RBFOX1: variants seen among roughly 807,000 people sequenced by gnomAD.
RBFOX1 encodes RNA binding protein fox-1 homolog 1.
RBFOX1 carries 8 observed loss-of-function variants against 57.7 expected under a neutral mutation model. The ratio of observed to expected loss-of-function variants is 0.14; its 90% CI spans 0.08 to 0.25. The LOEUF is 0.25. RBFOX1 is among the 10% of genes least tolerant of loss of function. The pLI, the probability that RBFOX1 is intolerant of heterozygous loss-of-function variation, is 1.00. For missense variants in RBFOX1, 611 were observed against 548.5 expected, an observed-to-expected ratio of 1.11 and a Z score of -1.14; for synonymous variants, 326 against 222.4, an observed-to-expected ratio of 1.47 and a Z score of -4.15.
intron 1 of RBFOX1, among the ~76,000 whole-genome samples, chr16:5,441,363 GT>G (rs34446326): frequency 0.49 from 54,056 of 111,442 alleles, 10,358 homozygotes; most frequent in East Asian, 0.65. Context: ...AGGAAAGAGG[GT>G]TTTTTTTTTT....
chr16:5,438,723 A>T (rs868850254), intron 1 of RBFOX1, among the ~76,000 whole-genome samples: 26 of 152,142 alleles, frequency 1.7e-4, no homozygotes, highest in African/African-American at 6.0e-4. Context: ...CCTGAATGTC[A>T]TGCAGTGTCC....
chr16:5,871,422 T>C (rs143184253), intron 4 of RBFOX1, among the ~76,000 whole-genome samples: 4 of 152,362 alleles, frequency 2.6e-5, no homozygotes, highest in East Asian at 1.9e-4. Context: ...TGCACATTAA[T>C]TGGCCCTGCA....
chr16:7,150,564 A>G (rs1161706907), intron 4 of RBFOX1, among the ~76,000 whole-genome samples: 1 of 152,110 alleles, frequency 6.6e-6, no homozygotes, highest in African/African-American at 2.4e-5. Context: ...CTTAACAGAT[A>G]TTTTCTCTAT....
At chr16:6,949,833 C>G (rs938816964) in intron 3 of RBFOX1, among the ~76,000 whole-genome samples, 2 of 151,992 alleles carry the variant, frequency 1.3e-5, no homozygotes, top group African/African-American at 4.8e-5. Context: ...CAGAACATCT[C>G]TTCACCCGGA....
intron 2 of RBFOX1, among the ~76,000 whole-genome samples, chr16:6,558,428 T>C (rs2097134597): frequency 6.6e-6 from 1 of 152,146 alleles, no homozygotes; most frequent in South Asian, 2.1e-4. Context: ...TTTTTAGTTT[T>C]AGAAAACATG....
chr16:5,360,225 C>G (rs955919573), intron 1 of RBFOX1, among the ~76,000 whole-genome samples: 2 of 152,216 alleles, frequency 1.3e-5, no homozygotes, highest in Non-Finnish European at 2.9e-5. Flanking sequence ...CTGGCTAGCT[C>G]TGTGTGCTGC....
intron 2 of RBFOX1, among the ~76,000 whole-genome samples, chr16:6,540,072 T>C (rs1476295077): frequency 2.0e-5 from 3 of 152,222 alleles, no homozygotes; most frequent in African/African-American, 7.2e-5. Context: ...GACTTGACTT[T>C]GATGAAATAG....
intron 1 of RBFOX1, among the ~76,000 whole-genome samples, chr16:6,261,360 C>T (rs922232865): frequency 2.0e-5 from 3 of 152,188 alleles, no homozygotes; most frequent in Non-Finnish European, 4.4e-5. Context: ...GTTTTTTTCT[C>T]TACCTAGTAC....
chr16:6,132,424 A>G (rs1021156371), intron 1 of RBFOX1, among the ~76,000 whole-genome samples: 1 of 152,234 alleles, frequency 6.6e-6, no homozygotes, highest in Admixed American at 6.5e-5. Context: ...GACATGAAGC[A>G]GCTTGAATTC....
intron 1 of RBFOX1, among the ~76,000 whole-genome samples, chr16:6,142,880 A>G (rs903062850): frequency 3.3e-5 from 5 of 152,228 alleles, no homozygotes; most frequent in East Asian, 1.9e-4. Context: ...GGCTTCCTCA[A>G]AATTCCCCTG....
At chr16:7,205,932 A>G (rs1347579933) in intron 4 of RBFOX1, among the ~76,000 whole-genome samples, 4 of 152,266 alleles carry the variant, frequency 2.6e-5, no homozygotes, top group African/African-American at 9.6e-5. Flanking sequence ...GCTAGAATAC[A>G]GGAGGACAGC....
At chr16:5,364,380 T>G (rs897423478) in intron 1 of RBFOX1, among the ~76,000 whole-genome samples, 4 of 152,164 alleles carry the variant, frequency 2.6e-5, no homozygotes, top group African/African-American at 9.7e-5. Flanking sequence ...ACTCATTTTC[T>G]AGGAAAACAA....
chr16:6,816,519 A>T (rs887969014), intron 3 of RBFOX1, among the ~76,000 whole-genome samples: 2 of 151,222 alleles, frequency 1.3e-5, no homozygotes, highest in African/African-American at 4.9e-5. Flanking sequence ...AGGCGGACAG[A>T]TCACAGGATC....
intron 1 of RBFOX1, among the ~76,000 whole-genome samples, chr16:6,021,963 T>A (rs2095088431): frequency 6.6e-6 from 1 of 152,208 alleles, no homozygotes; most frequent in South Asian, 2.1e-4. Context: ...TTGAGCCTTG[T>A]AGCACCGAGT....
At chr16:7,099,737 G>A (rs930280757) in intron 4 of RBFOX1, among the ~76,000 whole-genome samples, 2 of 152,124 alleles carry the variant, frequency 1.3e-5, no homozygotes, top group African/African-American at 2.4e-5. Flanking sequence ...GGAGGAAGGT[G>A]TTTCCAGGTC....
chr16:6,796,383 G>A (rs1162193622), intron 3 of RBFOX1, among the ~76,000 whole-genome samples: 1 of 151,862 alleles, frequency 6.6e-6, no homozygotes, highest in Non-Finnish European at 1.5e-5. Flanking sequence ...GTCATTTTTT[G>A]GCAAAACCAA....
At chr16:6,277,469 A>AAAAAAC (rs2075934088) in intron 1 of RBFOX1, among the ~76,000 whole-genome samples, 1 of 151,202 alleles carries the variant, frequency 6.6e-6, no homozygotes. Flanking sequence ...AAAAAAAAAA[A>AAAAAAC]AAAAAAAAAC....
chr16:7,695,288 G>A (rs1261372223), intron 14 of RBFOX1, among the ~76,000 whole-genome samples: 1 of 152,168 alleles, frequency 6.6e-6, no homozygotes, highest in Non-Finnish European at 1.5e-5. Flanking sequence ...CTCCCAGCAA[G>A]TTCACCTTGC....
At chr16:6,583,477 C>CT (rs2097565554) in intron 2 of RBFOX1, among the ~76,000 whole-genome samples, 1 of 152,216 alleles carries the variant, frequency 6.6e-6, no homozygotes, top group Non-Finnish European at 1.5e-5. Flanking sequence ...ATGAACAGTG[C>CT]TTAGTCAATG....
Sources: allele counts gnomAD v4.1 joint callset (sites outside exome capture counted in the v4.1 genomes callset), GRCh38; gene constraint gnomAD v4.1.1; transcripts MANE v1.5; gene names NCBI Gene and HGNC (gene_info 2026-07-23, HGNC 2026-07-21).